The following NR2C1 variants were observed in gnomAD, a reference collection of about 807,000 sequenced individuals.
NR2C1 encodes TR2 nuclear hormone receptor.
A neutral mutation model predicts 74.8 loss-of-function variants in NR2C1; 33 were observed. The ratio of observed to expected loss-of-function variants is 0.44; its 90% CI spans 0.33 to 0.59. NR2C1 has a LOEUF of 0.59. NR2C1 is among the 20% of genes least tolerant of loss of function. The probability of loss-of-function intolerance (pLI) is 0.02; values close to 1 mark genes in which losing one functional copy is unlikely to be tolerated. For missense variants in NR2C1, 568 were observed against 715.6 expected (o/e 0.79, Z 2.35); for synonymous variants, 225 against 240.6 (o/e 0.94, Z 0.60).
At chr12:95,068,587 GA>G (rs1196316834) in intron 1 of NR2C1, among the ~76,000 whole-genome samples, 1 of 152,172 alleles carries the variant, frequency 6.6e-6, no homozygotes, top group East Asian at 1.9e-4. Context: ...CGGAGATCAG[GA>G]GTTTGAGACT....
chr12:95,040,217 A>G (rs995994607), intron 10 of NR2C1, among the ~76,000 whole-genome samples: 6 of 152,178 alleles, frequency 3.9e-5, no homozygotes, highest in African/African-American at 1.4e-4. Context: ...AATGCTAGCC[A>G]TAGTCTTATC....
intron 10 of NR2C1, among the ~76,000 whole-genome samples, chr12:95,032,308 A>ATTG: frequency 6.6e-6 from 1 of 152,176 alleles, no homozygotes; most frequent in Non-Finnish European, 1.5e-5. Flanking sequence ...GAAAGGTCAA[A>ATTG]AGTTCTCTCC....
At chr12:95,070,498 T>C (rs1166766847) in intron 1 of NR2C1, among the ~76,000 whole-genome samples, 1 of 152,168 alleles carries the variant, frequency 6.6e-6, no homozygotes. Flanking sequence ...AGAAAAGTAA[T>C]TTGCCAATGT....
chr12:95,031,879 T>C (rs1870155099), intron 10 of NR2C1, among the ~76,000 whole-genome samples: 1 of 152,362 alleles, frequency 6.6e-6, no homozygotes, highest in East Asian at 1.9e-4. Context: ...AATTATTTTA[T>C]TGTTTTGAGA....
At chr12:95,067,529 GT>G in intron 1 of NR2C1, 138 bp from the exon 2 acceptor site, 1 of 681,046 alleles carries the variant, frequency 1.5e-6, no homozygotes. Context: ...TTTTTCTGAA[GT>G]TTCTTTTTTC....
rs1869645088 is a variant in NR2C1, at chr12:95,028,460, A to G, written c.1458T>C (p.Cys486=). The G allele has an allele frequency of 6.3e-7, 1 of 1,599,428 alleles. No homozygotes were observed. Among genetic ancestry groups the G allele is most frequent in the East Asian group, 2.2e-5 (1 of 44,748 alleles). The change falls in exon 12 of 14, where the codon TGT becomes TGC. Residue 486 remains cysteine, a synonymous_variant. Transcript: ENST00000333003. The part of the protein sequence containing the change: ...MEHIFKLQEF[C]NSMVKLCIDG... Reference sequence around the variant, plus strand: ...CAATGCAGAGTTTAACCATGCTGTTACAAAACTCCTGTAGTTTGAAGATGT... The same window carrying G: ...CAATGCAGAGTTTAACCATGCTGTTGCAAAACTCCTGTAGTTTGAAGATGT...
chr12:95,057,684 G>A (rs371607025), intron 6 of NR2C1, 41 bp from the exon 7 acceptor site: 366 of 1,612,032 alleles, frequency 2.3e-4, no homozygotes, highest in Non-Finnish European at 3.0e-4. Context: ...AGTTTCATTG[G>A]GAAGAAAAAC....
chr12:95,034,319 C>T (rs1408441745), intron 10 of NR2C1, among the ~76,000 whole-genome samples: 2 of 151,958 alleles, frequency 1.3e-5, no homozygotes, highest in Non-Finnish European at 2.9e-5. Flanking sequence ...GCAAAGAAAA[C>T]CGGTATTTTA....
At chr12:95,059,353 G>A (rs1047953609) in intron 4 of NR2C1, among the ~76,000 whole-genome samples, 3 of 151,520 alleles carry the variant, frequency 2.0e-5, no homozygotes, top group Non-Finnish European at 4.4e-5. Context: ...AGTGAAATAT[G>A]CATTTTATTT....
chr12:95,039,525 G>T (rs1871247716), intron 10 of NR2C1, among the ~76,000 whole-genome samples: 1 of 152,140 alleles, frequency 6.6e-6, no homozygotes, highest in Admixed American at 6.5e-5. Flanking sequence ...AGACACACCA[G>T]TTATTTTAAA....
At chr12:95,061,921 C>T (rs1874844662) in intron 3 of NR2C1, among the ~76,000 whole-genome samples, 1 of 152,208 alleles carries the variant, frequency 6.6e-6, no homozygotes, top group African/African-American at 2.4e-5. Context: ...ACATATACTA[C>T]TTCATTCCAG....
In NR2C1 at chr12:95,062,816, C is replaced by T. The variant is rs563176219; in HGVS notation, c.55-78G>A. On this transcript the variant is annotated intron_variant, in intron 2 of 13. Coordinates refer to ENST00000333003, the MANE Select transcript of NR2C1 (RefSeq NM_003297.4). Reference sequence around the variant, plus strand: ...ACACAATTATCTTCTTAGAAAAGCACATTACATATATATTCAATATAACAC... The same window carrying T: ...ACACAATTATCTTCTTAGAAAAGCATATTACATATATATTCAATATAACAC... 133 of 1,056,084 alleles carry T rather than the reference C, an allele frequency of 1.3e-4. No individual in the cohort carries two copies. In the South Asian group the frequency reaches 1.5e-3, roughly 12 times the overall value. 65.4% of individuals were successfully genotyped at this position (1,056,084 alleles called of 1,614,324 possible).
chr12:95,037,539 T>C lies in NR2C1; in HGVS notation c.1253+2937A>G, dbSNP rs182378571. Among the ~76,000 whole-genome samples the C allele has an allele frequency of 5.3e-5, 8 of 152,354 alleles. No homozygotes were observed. In the East Asian group the frequency reaches 1.5e-3, roughly 29 times the overall value. On this transcript the variant is annotated intron_variant, in intron 10 of 13. Coordinates refer to ENST00000333003, the MANE Select transcript of NR2C1 (RefSeq NM_003297.4). ...TCTTGATTTCAGAAAATGATTAATG[T>C]TGCTTATCTGTTTCTCTCTGTAAAA...
At chr12:95,061,310 C>A (rs1874747988) in intron 3 of NR2C1, among the ~76,000 whole-genome samples, 1 of 152,158 alleles carries the variant, frequency 6.6e-6, no homozygotes. Flanking sequence ...CTTCAGTTAA[C>A]AATGTATCAG....
At chr12:95,066,706 G>A (rs988859266) in intron 2 of NR2C1, among the ~76,000 whole-genome samples, 1 of 152,108 alleles carries the variant, frequency 6.6e-6, no homozygotes, top group African/African-American at 2.4e-5. Flanking sequence ...ATGATTCATT[G>A]AGTTATGTAC....
intron 8 of NR2C1, chr12:95,049,625 T>C (rs1421147392): frequency 6.5e-6 from 1 of 154,532 alleles, no homozygotes; most frequent in Non-Finnish European, 1.4e-5. Flanking sequence ...TTCAATTAAT[T>C]ATTTTTTAAG....
chr12:95,034,109 C>A (rs564875228), intron 10 of NR2C1, among the ~76,000 whole-genome samples: 1 of 152,076 alleles, frequency 6.6e-6, no homozygotes, highest in Non-Finnish European at 1.5e-5. Context: ...GAATCACAGC[C>A]TTATGACATT....
intron 12 of NR2C1, among the ~76,000 whole-genome samples, chr12:95,026,156 G>A (rs761532440): frequency 2.5e-4 from 37 of 151,002 alleles, no homozygotes; most frequent in Non-Finnish European, 2.5e-4. Flanking sequence ...GTGGTGAGCC[G>A]AGATTGTGCT....
chr12:95,030,504 G>A, intron 11 of NR2C1: 4 of 1,577,086 alleles, frequency 2.5e-6, no homozygotes, highest in Non-Finnish European at 3.4e-6. Context: ...CTGAAGGTAG[G>A]CTTTATAACC....
Sources: gnomAD v4.1 joint callset for allele counts (sites outside exome capture counted in the v4.1 genomes callset) on GRCh38, gnomAD v4.1.1 for gene constraint, MANE v1.5 for transcripts, NCBI Gene and HGNC (gene_info 2026-07-23, HGNC 2026-07-21) for gene names.